The following MBD2 variants were observed in gnomAD, a reference collection of about 807,000 sequenced individuals.
The protein encoded by MBD2 is methyl-CpG-binding domain protein 2.
Under a neutral mutation model 39.3 loss-of-function variants are expected in MBD2, and 9 were observed. That is an observed-to-expected ratio of 0.23 (90% CI 0.14 to 0.40). MBD2 has a LOEUF of 0.40. MBD2 is among the 10% of genes least tolerant of loss of function. The pLI is 1.00. For synonymous variants in MBD2, 233 were observed against 211.1 expected (o/e 1.10, Z -0.90); for missense variants, 458 against 532.6 (o/e 0.86, Z 1.38).
At chr18:54,222,008 T>C (rs764327140) in intron 1 of MBD2, among the ~76,000 whole-genome samples, 8 of 152,136 alleles carry the variant, frequency 5.3e-5, no homozygotes, top group Non-Finnish European at 1.2e-4. Context: ...AAATTCAAAG[T>C]TTAAGATGTT....
chr18:54,164,510 T>A lies in MBD2; in HGVS notation c.1109+13A>T, dbSNP rs780756700. 3.8e-6 allele frequency: 6 copies of A among 1,596,468 alleles called. No individual in the cohort carries two copies. The Admixed American group carries it at 1.0e-4, about 27-fold the overall frequency. ...AAAACCCAAGTTTATGAAGTCATGT[T>A]AAACTGCATTACCTGATGTCTTCAT... On this transcript the variant is annotated intron_variant, in intron 5 of 6. Coordinates refer to ENST00000256429, the MANE Select transcript of MBD2 (RefSeq NM_003927.5).
rs78868731 is a variant in MBD2, at chr18:54,159,745, T to C, written c.*12+20A>G. The C allele has an allele frequency of 2.5e-6, 4 of 1,601,286 alleles. No homozygotes were observed. Among genetic ancestry groups the C allele is most frequent in the Non-Finnish European group, 3.4e-6 (4 of 1,177,288 alleles). On this transcript the variant is annotated intron_variant, in intron 6 of 6. Transcript: ENST00000256429. ...AAACACACCTTAAGTTCCAAGTCAC[T>C]CTCTCTGGTGTCAGTTTACCTGATC...
At chr18:54,159,660 C>T (rs1029554841) in intron 6 of MBD2, 105 bp downstream of exon 6, 27 of 1,271,658 alleles carry the variant, frequency 2.1e-5, no homozygotes, top group Admixed American at 9.4e-5. Flanking sequence ...CTCAACTGAT[C>T]GCCCGCCTCA....
chr18:54,157,721 A>G (rs2086063368), intron 6 of MBD2, among the ~76,000 whole-genome samples: 1 of 152,104 alleles, frequency 6.6e-6, no homozygotes, highest in South Asian at 2.1e-4. Context: ...TAACAATTCA[A>G]CTCACCCTCC....
chr18:54,208,163 C>CA (rs2086467148), intron 1 of MBD2, among the ~76,000 whole-genome samples: 1 of 151,874 alleles, frequency 6.6e-6, no homozygotes. Flanking sequence ...TAACATACCA[C>CA]AAAAAAATGA....
chr18:54,154,492 C>T lies in MBD2; in HGVS notation c.*832G>A, dbSNP rs1428740113. ...CAAACATTCTTTAAAAAACAATAAA[C>T]ATGGACGCCTTCTAGTAACACCTGA... On this transcript the variant is annotated 3_prime_UTR_variant, in exon 7 of 7. Transcript: ENST00000256429. 1 of 152,146 alleles carries T rather than the reference C, an allele frequency of 6.6e-6. No homozygotes were observed. The highest frequency in any genetic ancestry group is 1.5e-5 in the Non-Finnish European group (1 of 68,020). The allele number at this position is 152,146 out of a possible 1,614,324, so 9.4% of individuals were successfully genotyped here. A position where few individuals can be genotyped will look rare whatever the true frequency, so the allele number is the denominator to read the frequency against.
At chr18:54,197,087 G>A (rs947655929) in intron 2 of MBD2, among the ~76,000 whole-genome samples, 2 of 152,174 alleles carry the variant, frequency 1.3e-5, no homozygotes, top group Non-Finnish European at 2.9e-5. Flanking sequence ...TTGAACAAGA[G>A]AACATGAACT....
rs1213816391 is a variant in MBD2 at position 54,224,454 on chromosome 18, C to A, written c.106G>T (p.Gly36Cys). 4 of 1,234,290 alleles carry A rather than the reference C, an allele frequency of 3.2e-6. No individual in the cohort carries two copies. Among genetic ancestry groups the A allele is most frequent in the South Asian group, 3.7e-5 (1 of 26,956 alleles). 76.5% of individuals were successfully genotyped at this position (1,234,290 alleles called of 1,614,324 possible). A position where few individuals can be genotyped will look rare whatever the true frequency, so the allele number is the denominator to read the frequency against. ...GACGGGGCGAGCGCGCTGCCCTGGC[C>A]CCCCTGCTCTATGGCGGAGTCGCCG... The part of the protein sequence containing the change: ...AGGDSAIEQG[G>C]QGSALAPSPV... The change falls in exon 1 of 7, where the codon GGC becomes TGC. Residue 36 changes from glycine (G) to cysteine (C), a missense_variant. By Grantham distance (159) the Gly-to-Cys change is radical. Transcript: ENST00000256429.
At chr18:54,219,502 G>A (rs1488258323) in intron 1 of MBD2, among the ~76,000 whole-genome samples, 1 of 152,144 alleles carries the variant, frequency 6.6e-6, no homozygotes, top group Non-Finnish European at 1.5e-5. Context: ...TTATACAAGG[G>A]ACACCAAGTT....
rs1200803169 is a variant in MBD2 at position 54,210,984 on chromosome 18, G to T, written c.543-5827C>A. ...CCTCCCGGGTTCACGCCATTCTCCT[G>T]CCTCAGCCTCCCAAGTAGCTGGGAC... On this transcript the variant is annotated intron_variant, in intron 1 of 6. Coordinates refer to ENST00000256429, the MANE Select transcript of MBD2 (RefSeq NM_003927.5). Among the ~76,000 whole-genome samples the T allele has an allele frequency of 2.8e-5, 4 of 144,240 alleles. No homozygotes were observed. In the East Asian group the frequency reaches 8.2e-4, roughly 30 times the overall value. The allele number at this position is 144,240 out of a possible 152,430, so 94.6% of individuals were successfully genotyped here. A position where few individuals can be genotyped will look rare whatever the true frequency, so the allele number is the denominator to read the frequency against.
At chr18:54,179,844 C>A (rs2086237348) in intron 3 of MBD2, among the ~76,000 whole-genome samples, 1 of 151,896 alleles carries the variant, frequency 6.6e-6, no homozygotes, top group Non-Finnish European at 1.5e-5. Context: ...CTGTTACCAT[C>A]AATTCTATTC....
At chr18:54,176,509 C>T (rs921642261) in intron 3 of MBD2, among the ~76,000 whole-genome samples, 1 of 152,106 alleles carries the variant, frequency 6.6e-6, no homozygotes, top group African/African-American at 2.4e-5. Flanking sequence ...ACATAATTGT[C>T]GATTAAAGCA....
chr18:54,173,917 T>C (rs2086194267), intron 3 of MBD2, among the ~76,000 whole-genome samples: 1 of 152,200 alleles, frequency 6.6e-6, no homozygotes, highest in Non-Finnish European at 1.5e-5. Flanking sequence ...TTTTAGTCCA[T>C]CTAGTTTCAT....
chr18:54,206,432 CAAAG>C (rs943640763), intron 1 of MBD2, among the ~76,000 whole-genome samples: 14 of 152,140 alleles, frequency 9.2e-5, no homozygotes, highest in African/African-American at 3.4e-4. Context: ...GAATACTTCT[CAAAG>C]AAGCCAATGT....
At position 54,224,214 on chromosome 18, in the gene MBD2, T is replaced by C. The variant is rs949024403; in HGVS notation, c.346A>G (p.Ser116Gly). ...CGCCGGGGGGCGCCGCCGCCACCGC[T>C]GCCGCCGCCGCCGCAGCCGCCGCCG... ...GDGGGCGGGG[S>G]GGGGAPRREP... Residue 116 changes from serine to glycine, a missense_variant, in exon 1 of 7, where the codon AGC (serine) becomes GGC (glycine). Physicochemically the swap from Ser to Gly is moderately conservative, Grantham distance 56. Around this residue, in one of 2 missense-constraint regions of MBD2, gnomAD observed 269 missense variants for 236.0 expected, o/e 1.14. Coordinates refer to ENST00000256429, the MANE Select transcript of MBD2 (RefSeq NM_003927.5). The C allele has an allele frequency of 2.1e-5, 24 of 1,121,452 alleles. No individual in the cohort carries two copies. Among genetic ancestry groups the C allele is most frequent in the Admixed American group, 1.5e-4 (3 of 20,070 alleles). 69.5% of individuals were successfully genotyped at this position (1,121,452 alleles called of 1,614,324 possible).
chr18:54,197,849 C>A (rs927474843), intron 2 of MBD2, among the ~76,000 whole-genome samples: 6 of 152,164 alleles, frequency 3.9e-5, no homozygotes, highest in African/African-American at 1.4e-4. Context: ...TCAACAGTGG[C>A]CCACACTTAT....
intron 3 of MBD2, among the ~76,000 whole-genome samples, chr18:54,173,759 G>A (rs991960929): frequency 2.0e-5 from 3 of 152,178 alleles, no homozygotes; most frequent in African/African-American, 7.2e-5. Context: ...AAGGAAGATT[G>A]GAAGACCAGG....
chr18:54,209,498 G>A (rs566911376), intron 1 of MBD2, among the ~76,000 whole-genome samples: 4 of 152,180 alleles, frequency 2.6e-5, no homozygotes, highest in Admixed American at 6.5e-5. Flanking sequence ...TTTTACAGAT[G>A]GAATTCTATG....
chr18:54,224,305 TCCCCGGCCACGG>T lies in MBD2; in HGVS notation c.243_254del (p.Gly93_Arg96del), dbSNP rs2086643209. 2 of 932,542 alleles carry T rather than the reference TCCCCGGCCACGG, an allele frequency of 2.1e-6. No individual in the cohort carries two copies. Among genetic ancestry groups the T allele is most frequent in the South Asian group, 4.8e-5 (1 of 20,850 alleles). The allele number at this position is 932,542 out of a possible 1,614,324, so 57.8% of individuals were successfully genotyped here. On this transcript the variant is annotated inframe_deletion, in exon 1 of 7. Coordinates refer to ENST00000256429, the MANE Select transcript of MBD2 (RefSeq NM_003927.5). ...GGCCCCGGCCCCGGCCCCGTCCCCG[TCCCCGGCCACGG>T]CCCCGGCCCCGGCCACGGCCACAGA...
Sources: gnomAD v4.1 joint callset for allele counts (sites outside exome capture counted in the v4.1 genomes callset) on GRCh38, gnomAD v4.1.1 for gene constraint, gnomAD v4.1.1 regional missense constraint, MANE v1.5 for transcripts, NCBI Gene and HGNC (gene_info 2026-07-23, HGNC 2026-07-21) for gene names.